Variants in MYT1 observed in about 807,000 individuals in gnomAD.
MYT1 encodes myelin transcription factor 1, also known as myelin transcription factor I.
MYT1 carries 23 observed loss-of-function variants against 123.0 expected under a neutral mutation model. That is an observed-to-expected ratio of 0.19 (90% CI 0.13 to 0.26). The LOEUF (loss-of-function observed/expected upper bound fraction) is 0.26. Among genes scored for constraint, MYT1 ranks in the 10% least tolerant of loss-of-function variants. The pLI is 1.00. For synonymous variants in MYT1, 518 were observed against 575.3 expected, an observed-to-expected ratio of 0.90 and a Z score of 1.43; for missense variants, 1,125 against 1,472.5, an observed-to-expected ratio of 0.76 and a Z score of 3.86.
Position 64,240,643 on chromosome 20 carries a change from C to T in MYT1, c.*195C>T. 2 of 668,412 alleles carry T rather than the reference C, an allele frequency of 3.0e-6. No homozygotes were observed. The highest frequency in any genetic ancestry group is 3.6e-5 in the African/African-American group (2 of 55,074). 41.4% of individuals were successfully genotyped at this position (668,412 alleles called of 1,614,324 possible). On this transcript the variant is annotated 3_prime_UTR_variant, in exon 23 of 23. Transcript: ENST00000328439. Reference sequence around the variant, plus strand: ...CCCTCCAGGCTTGGGGCCGTGGTGGCCCTATCTGTGTGCATAGGGGCACTG... The same window carrying T: ...CCCTCCAGGCTTGGGGCCGTGGTGGTCCTATCTGTGTGCATAGGGGCACTG...
In MYT1 at chr20:64,166,398, T is replaced by G. The variant is rs1982084138; in HGVS notation, c.-99+1659T>G. On this transcript the variant is annotated intron_variant, in intron 1 of 22. Transcript: ENST00000328439. This position sits in a 1 kb window ranked among gnomAD's most constrained non-coding sequence, Gnocchi z 4.9. ...CCGACCCCCTGGGCACCTGGACGTT[T>G]GCCGAACTTCCCAGGGGTACTTGCT... Among the ~76,000 whole-genome samples, 1 of 152,190 alleles carries G rather than the reference T, an allele frequency of 6.6e-6. No homozygotes were observed. Among genetic ancestry groups the G allele is most frequent in the Non-Finnish European group, 1.5e-5 (1 of 68,030 alleles).
intron 3 of MYT1, 149 bp from the exon 4 acceptor site, chr20:64,199,743 C>A: frequency 1.1e-6 from 1 of 880,454 alleles, no homozygotes; most frequent in South Asian, 1.5e-5. Context: ...GGTGAGCGCC[C>A]TGGGGAAACG....
In MYT1 at chr20:64,208,903, C is replaced by T. The variant is rs138920718; in HGVS notation, c.1291+416C>T. Among the ~76,000 whole-genome samples, 943 of 152,270 alleles carry T rather than the reference C, an allele frequency of 6.2e-3. 12 individuals are homozygous for T. Among genetic ancestry groups the T allele is most frequent in the African/African-American group, 0.021 (886 of 41,562 alleles). On this transcript the variant is annotated intron_variant, in intron 7 of 22. Transcript: ENST00000328439. The surrounding 1 kb of genome is among the most constrained non-coding windows in gnomAD (Gnocchi z 5.4). Reference sequence around the variant, plus strand: ...ACAGCCATGCTGGGTCATCCTGATCCTCTCGTGGGGTGGAGACCAGCAGGC... The same window carrying T: ...ACAGCCATGCTGGGTCATCCTGATCTTCTCGTGGGGTGGAGACCAGCAGGC...
intron 18 of MYT1, among the ~76,000 whole-genome samples, chr20:64,229,838 T>C (rs756595348): frequency 1.3e-5 from 2 of 152,194 alleles, no homozygotes; most frequent in Non-Finnish European, 2.9e-5. Context: ...TAACTGGTCA[T>C]AAAAGTCTTG....
chr20:64,226,241 G>A (rs1191499710), intron 16 of MYT1, among the ~76,000 whole-genome samples: 1 of 152,216 alleles, frequency 6.6e-6, no homozygotes, highest in Non-Finnish European at 1.5e-5. Flanking sequence ...CCCCAGGAGG[G>A]CACCCCAAAA....
At chr20:64,198,345 T>TGGG (rs2145708930) in intron 2 of MYT1, among the ~76,000 whole-genome samples, 1 of 127,338 alleles carries the variant, frequency 7.9e-6, no homozygotes, top group Non-Finnish European at 1.6e-5. Flanking sequence ...AAAGGGCCCA[T>TGGG]GGGAAGCTGT....
rs1248096153 is a variant in MYT1 at position 64,191,355 on chromosome 20, C to T, written c.-1+1195C>T. The T allele has an allele frequency of 7.9e-5, 12 of 152,262 alleles. No individual in the cohort carries two copies. The highest frequency in any genetic ancestry group is 7.2e-4 in the Admixed American group (11 of 15,286). 9.4% of individuals were successfully genotyped at this position (152,262 alleles called of 1,614,324 possible). On this transcript the variant is annotated intron_variant, in intron 2 of 22. Coordinates refer to ENST00000328439, the MANE Select transcript of MYT1 (RefSeq NM_004535.3). This position sits in a 1 kb window ranked among gnomAD's most constrained non-coding sequence, Gnocchi z 4.1. ...CTAATTCTAGAACTTCCCACCAATACTCTCTGGATGAGGCCAGGTCCCCAG... is the reference window on the plus strand; with the variant it reads ...CTAATTCTAGAACTTCCCACCAATATTCTCTGGATGAGGCCAGGTCCCCAG...
intron 2 of MYT1, among the ~76,000 whole-genome samples, chr20:64,194,837 AT>A (rs1488171911): frequency 6.6e-6 from 1 of 152,158 alleles, no homozygotes; most frequent in Non-Finnish European, 1.5e-5. Flanking sequence ...TGAGTCTACC[AT>A]TTCCCCTTAG....
rs748693281 is a variant in MYT1 at position 64,221,969 on chromosome 20, G to A, written c.2318G>A (p.Arg773Gln). 1.6e-5 allele frequency: 26 copies of A among 1,613,582 alleles called. No individual in the cohort carries two copies. The highest frequency in any genetic ancestry group is 1.9e-5 in the Non-Finnish European group (22 of 1,180,030). ...GTGTCGGAAGAGAATTTTGAGGAGC[G>A]GAAGTATCCGGGGGAAGTCACCCTG... ...QEVSEENFEE[R>Q]KYPGEVTLTN... is the part of the protein sequence containing the mutation. Residue 773 changes from arginine (R) to glutamine (Q), a missense_variant, in exon 14 of 23, where the codon CGG becomes CAG. Physicochemically the swap from Arg to Gln is conservative, Grantham distance 43 (BLOSUM62 1). Around this residue, in one of 4 missense-constraint regions of MYT1, gnomAD observed 429 missense variants for 604.1 expected, o/e 0.71. Coordinates refer to ENST00000328439, the MANE Select transcript of MYT1 (RefSeq NM_004535.3).
intron 2 of MYT1, among the ~76,000 whole-genome samples, chr20:64,198,092 T>C (rs1030553642): frequency 5.3e-5 from 8 of 151,902 alleles, no homozygotes; most frequent in African/African-American, 1.9e-4. Flanking sequence ...GAGACCGTCC[T>C]GGCTAACACG....
chr20:64,218,751 G>T lies in MYT1; in HGVS notation c.1847-160G>T. 23 of 819,126 alleles carry T rather than the reference G, an allele frequency of 2.8e-5. No individual in the cohort carries two copies. Among genetic ancestry groups the T allele is most frequent in the East Asian group, 5.4e-5 (2 of 37,112 alleles). The allele number at this position is 819,126 out of a possible 1,614,324, so 50.7% of individuals were successfully genotyped here. On this transcript the variant is annotated intron_variant, in intron 11 of 22. Transcript: ENST00000328439. The surrounding 1 kb of genome is among the most constrained non-coding windows in gnomAD (Gnocchi z 4.0). ...TGGGCCCTCCCATCCCTCCCAAAGT[G>T]CCCCCTCCCCACTGACTTGTCTGCA...
In MYT1 at chr20:64,213,771, G is replaced by A; in HGVS notation, c.1631+124G>A. On this transcript the variant is annotated intron_variant, in intron 10 of 22. Coordinates refer to ENST00000328439, the MANE Select transcript of MYT1 (RefSeq NM_004535.3). The surrounding 1 kb of genome is among the most constrained non-coding windows in gnomAD (Gnocchi z 5.6). Reference sequence around the variant, plus strand: ...CATGTGTGTGAGTGTACGTGCATGTGAGTGTACGTGCATGTGAGTGTGCAC... The same window carrying A: ...CATGTGTGTGAGTGTACGTGCATGTAAGTGTACGTGCATGTGAGTGTGCAC... 1.3e-6 allele frequency: 1 copy of A among 788,272 alleles called. No individual in the cohort carries two copies. The allele number at this position is 788,272 out of a possible 1,614,324, so 48.8% of individuals were successfully genotyped here. A position where few individuals can be genotyped will look rare whatever the true frequency, so the allele number is the denominator to read the frequency against.
At chr20:64,235,955 TGGTGGGTGACCCTGGGATGGCCGC>T (rs1188319481) in intron 19 of MYT1, among the ~76,000 whole-genome samples, 2 of 114,368 alleles carry the variant, frequency 1.7e-5, no homozygotes, top group Admixed American at 8.7e-5. Context: ...GGGCTGGACG[TGGTGGGTGACCCTGGGATGGCCGC>T]GGTGGGTGAC....
chr20:64,240,013 G>C, intron 22 of MYT1, 110 bp downstream of exon 22: 2 of 1,477,284 alleles, frequency 1.4e-6, no homozygotes, highest in East Asian at 4.5e-5. Context: ...CTGCCCTAGG[G>C]GCCCTGTGCC....
In MYT1 at chr20:64,213,728, T is replaced by TGTGCATGTGTGTGA. The variant is rs1290709389; in HGVS notation, c.1631+99_1631+112dup. The TGTGCATGTGTGTGA allele has an allele frequency of 1.1e-5, 12 of 1,101,666 alleles. No homozygotes were observed. Among genetic ancestry groups the TGTGCATGTGTGTGA allele is most frequent in the East Asian group, 2.4e-5 (1 of 41,906 alleles). The allele number at this position is 1,101,666 out of a possible 1,614,324, so 68.2% of individuals were successfully genotyped here. Reference sequence around the variant, plus strand: ...GCTTCTCAGTCTCCCGCAGGCTGTATGTGCATGTGTGTGAGTGCATGTGTG... The same window carrying TGTGCATGTGTGTGA: ...GCTTCTCAGTCTCCCGCAGGCTGTATGTGCATGTGTGTGAGTGCATGTGTGTGAGTGCATGTGTG... On this transcript the variant is annotated intron_variant, in intron 10 of 22. Coordinates refer to ENST00000328439, the MANE Select transcript of MYT1 (RefSeq NM_004535.3). This position sits in a 1 kb window ranked among gnomAD's most constrained non-coding sequence, Gnocchi z 5.6.
intron 10 of MYT1, among the ~76,000 whole-genome samples, chr20:64,214,954 G>A (rs7271369): frequency 0.13 from 20,431 of 152,184 alleles, 1,689 homozygotes; most frequent in African/African-American, 0.23. Context: ...ATTCCCACAC[G>A]TGGGATCTCT....
At chr20:64,209,355 G>A (rs974716565) in intron 7 of MYT1, among the ~76,000 whole-genome samples, 10 of 152,208 alleles carry the variant, frequency 6.6e-5, no homozygotes, top group African/African-American at 2.4e-4. Flanking sequence ...ATGCCAGGGA[G>A]GCCAGGCCTT....
At chr20:64,170,357 G>A (rs1053676423) in intron 1 of MYT1, among the ~76,000 whole-genome samples, 3 of 152,154 alleles carry the variant, frequency 2.0e-5, no homozygotes, top group Non-Finnish European at 2.9e-5. Flanking sequence ...GAGCCTGCAG[G>A]CAACCAGCTC....
Position 64,205,663 on chromosome 20 carries a change from A to G in MYT1, c.260A>G (p.Tyr87Cys). 1 of 1,614,170 alleles carries G rather than the reference A, an allele frequency of 6.2e-7. No individual in the cohort carries two copies. Among genetic ancestry groups the G allele is most frequent in the Non-Finnish European group, 8.5e-7 (1 of 1,180,016 alleles). ...HPLKLALDEG[Y>C]GVDSDGSEDT... ...CTGAAGCTGGCTCTGGACGAGGGCT[A>G]TGGTGTGGACAGCGACGGCAGTGAG... The change falls in exon 6 of 23, where the codon TAT becomes TGT. Residue 87 changes from tyrosine to cysteine, a missense_variant. This residue lies in a region of MYT1 where 406 missense variants were observed against 432.2 expected (regional missense o/e 0.94). Transcript: ENST00000328439.
Sources: gnomAD v4.1 joint callset for allele counts (sites outside exome capture counted in the v4.1 genomes callset) on GRCh38, gnomAD v4.1.1 for gene constraint, gnomAD v4.1.1 regional missense constraint, Gnocchi (gnomAD v3.1) non-coding constraint, MANE v1.5 for transcripts, NCBI Gene and HGNC (gene_info 2026-07-23, HGNC 2026-07-21) for gene names.